HTR7: variants seen among roughly 807,000 people sequenced by gnomAD.
The protein encoded by HTR7 is 5-hydroxytryptamine receptor 7, also known as 5-HT-7.
HTR7 carries 16 observed loss-of-function variants against 34.0 expected under a neutral mutation model. The ratio of observed to expected loss-of-function variants is 0.47; its 90% CI spans 0.32 to 0.71. The LOEUF is 0.71. Among genes scored for constraint, HTR7 ranks in the 30% least tolerant of loss-of-function variants. The pLI is 0.04. For missense variants in HTR7, 504 were observed against 625.5 expected (o/e 0.81, Z 2.07); for synonymous variants, 265 against 260.2 (o/e 1.02, Z -0.18).
intron 1 of HTR7, among the ~76,000 whole-genome samples, chr10:90,832,181 C>T (rs1289981176): frequency 6.6e-6 from 1 of 152,232 alleles, no homozygotes; most frequent in African/African-American, 2.4e-5. Flanking sequence ...GGGTGCACTC[C>T]TCAGCCCTTG....
intron 1 of HTR7, among the ~76,000 whole-genome samples, chr10:90,809,424 C>T (rs1485167292): frequency 6.6e-6 from 1 of 152,180 alleles, no homozygotes; most frequent in Non-Finnish European, 1.5e-5. Flanking sequence ...GACCCTAAAA[C>T]ATCAAAAGGC....
At chr10:90,824,224 C>A (rs1165843429) in intron 1 of HTR7, among the ~76,000 whole-genome samples, 1 of 152,244 alleles carries the variant, frequency 6.6e-6, no homozygotes, top group Non-Finnish European at 1.5e-5. Context: ...CTGAGGTCCC[C>A]ATTCCATTTC....
intron 1 of HTR7, among the ~76,000 whole-genome samples, chr10:90,754,463 C>T (rs1347658023): frequency 6.6e-6 from 1 of 151,816 alleles, no homozygotes; most frequent in African/African-American, 2.4e-5. Context: ...TATTTAATCA[C>T]ACTAACATTT....
intron 1 of HTR7, among the ~76,000 whole-genome samples, chr10:90,762,410 C>A (rs1047813178): frequency 3.9e-5 from 6 of 152,088 alleles, no homozygotes; most frequent in Non-Finnish European, 5.9e-5. Flanking sequence ...TTTTCATGTA[C>A]CTGTTGTCCA....
intron 1 of HTR7, among the ~76,000 whole-genome samples, chr10:90,771,220 G>A (rs140946130): frequency 6.6e-6 from 1 of 152,210 alleles, no homozygotes; most frequent in African/African-American, 2.4e-5. Context: ...TTAGAAAGGA[G>A]CTGCACCCTG....
At chr10:90,829,967 T>C (rs12261786) in intron 1 of HTR7, among the ~76,000 whole-genome samples, 9,494 of 152,296 alleles carry the variant, frequency 0.062, 369 homozygotes, top group African/African-American at 0.1. Context: ...TTCATGTTCA[T>C]GGATTGGAAG....
rs1367722815 is a variant in HTR7 at position 90,749,938 on chromosome 10, T to C, written c.540-344A>G. Among the ~76,000 whole-genome samples the C allele has an allele frequency of 6.6e-6, 1 of 152,168 alleles. No individual in the cohort carries two copies. The highest frequency in any genetic ancestry group is 1.5e-5 in the Non-Finnish European group (1 of 68,020). On this transcript the variant is annotated intron_variant, in intron 1 of 3. Coordinates refer to ENST00000336152, the MANE Select transcript of HTR7 (RefSeq NM_019859.4). The surrounding 1 kb of genome is among the most constrained non-coding windows in gnomAD (Gnocchi z 4.2). ...GCCACCAAAATCAACCAGGACAACA[T>C]ATCAACTCTGATGTAGGATGTTGTG...
At chr10:90,853,482 T>C (rs1001364550) in intron 1 of HTR7, among the ~76,000 whole-genome samples, 1 of 150,810 alleles carries the variant, frequency 6.6e-6, no homozygotes, top group East Asian at 1.9e-4. Flanking sequence ...TTTTTTTTTT[T>C]CCGTAGAGAT....
intron 1 of HTR7, among the ~76,000 whole-genome samples, chr10:90,769,052 C>T (rs945772946): frequency 6.6e-6 from 1 of 152,182 alleles, no homozygotes; most frequent in East Asian, 1.9e-4. Flanking sequence ...CAAAAAAAAT[C>T]CTGCAATTAC....
chr10:90,747,610 A>C (rs993670663), intron 2 of HTR7, among the ~76,000 whole-genome samples: 1 of 152,186 alleles, frequency 6.6e-6, no homozygotes, highest in African/African-American at 2.4e-5. Context: ...TGGAATCTAG[A>C]CTTAGTTGTG....
chr10:90,760,539 GA>G (rs1334079549), intron 1 of HTR7, among the ~76,000 whole-genome samples: 2 of 152,124 alleles, frequency 1.3e-5, no homozygotes, highest in Non-Finnish European at 2.9e-5. Context: ...TGAGATTATG[GA>G]TATGTTAATT....
rs370851677 is a variant in HTR7 at position 90,749,600 on chromosome 10, G to A, written c.540-6C>T. 87 of 1,599,036 alleles carry A rather than the reference G, an allele frequency of 5.4e-5. 1 individual carries two copies. In the African/African-American group the frequency reaches 1.0e-3, roughly 18 times the overall value. Reference sequence around the variant, plus strand: ...GCCTTGTGATCCCAAGGTACCTAGTGGAGAGATGGAAAGATAACAGATGAA... The same window carrying A: ...GCCTTGTGATCCCAAGGTACCTAGTAGAGAGATGGAAAGATAACAGATGAA... On this transcript the variant is annotated splice_region_variant and splice_polypyrimidine_tract_variant and intron_variant, in intron 1 of 3. Coordinates refer to ENST00000336152, the MANE Select transcript of HTR7 (RefSeq NM_019859.4). This position sits in a 1 kb window ranked among gnomAD's most constrained non-coding sequence, Gnocchi z 4.2.
At chr10:90,813,682 G>A (rs578167898) in intron 1 of HTR7, among the ~76,000 whole-genome samples, 2 of 152,306 alleles carry the variant, frequency 1.3e-5, no homozygotes, top group East Asian at 3.9e-4. Flanking sequence ...AAGCTTGCAA[G>A]GGTGAATGCC....
intron 1 of HTR7, among the ~76,000 whole-genome samples, chr10:90,793,719 A>C (rs534069043): frequency 6.6e-6 from 1 of 152,096 alleles, no homozygotes; most frequent in African/African-American, 2.4e-5. Context: ...ACAATAGGCT[A>C]TCTGCAAGGT....
intron 1 of HTR7, among the ~76,000 whole-genome samples, chr10:90,839,976 T>C (rs1564699947): frequency 6.6e-6 from 1 of 151,986 alleles, no homozygotes; most frequent in Non-Finnish European, 1.5e-5. Flanking sequence ...AGATAACATG[T>C]TAAGGATGGG....
At chr10:90,767,376 C>T (rs1845040915) in intron 1 of HTR7, among the ~76,000 whole-genome samples, 1 of 152,198 alleles carries the variant, frequency 6.6e-6, no homozygotes, top group Non-Finnish European at 1.5e-5. Context: ...GCTGATTCAA[C>T]CATATTCAAT....
chr10:90,832,235 C>T (rs35987367), intron 1 of HTR7, among the ~76,000 whole-genome samples: 57,054 of 151,816 alleles, frequency 0.38, 11,773 homozygotes, highest in African/African-American at 0.56. Flanking sequence ...GGGTGGCACT[C>T]GTCGGAGAGG....
rs1166181561 is a variant in HTR7, at chr10:90,839,007, A to C, written c.539+18126T>G. Reference sequence around the variant, plus strand: ...TTATTTGCCTTGCTTATGATAAGGAAGACTAACCAACATAGATTAGGTAGT... The same window carrying C: ...TTATTTGCCTTGCTTATGATAAGGACGACTAACCAACATAGATTAGGTAGT... On this transcript the variant is annotated intron_variant, in intron 1 of 3. Coordinates refer to ENST00000336152, the MANE Select transcript of HTR7 (RefSeq NM_019859.4). Among the ~76,000 whole-genome samples, 4 of 152,360 alleles carry C rather than the reference A, an allele frequency of 2.6e-5. No individual in the cohort carries two copies. The South Asian group carries it at 8.3e-4, about 32-fold the overall frequency.
chr10:90,747,435 T>C (rs565238263), intron 2 of HTR7, among the ~76,000 whole-genome samples: 116 of 152,334 alleles, frequency 7.6e-4, no homozygotes, highest in African/African-American at 2.7e-3. Context: ...ACTTTTTATA[T>C]TGTGAACAAT....
Sources: allele counts gnomAD v4.1 joint callset (sites outside exome capture counted in the v4.1 genomes callset), GRCh38; gene constraint gnomAD v4.1.1; non-coding constraint Gnocchi (gnomAD v3.1); transcripts MANE v1.5; gene names NCBI Gene and HGNC (gene_info 2026-07-23, HGNC 2026-07-21).